Variants in ARHGAP12 observed in about 807,000 individuals in gnomAD.
ARHGAP12 encodes rho GTPase-activating protein 12.
A neutral mutation model predicts 108.6 loss-of-function variants in ARHGAP12; 64 were observed. The observed-to-expected ratio is 0.59, with a 90% confidence interval of 0.48 to 0.73. The LOEUF (loss-of-function observed/expected upper bound fraction) is 0.73, where lower values mean the gene tolerates loss of function less well. ARHGAP12 is among the 30% of genes least tolerant of loss of function. The pLI is 0.00. For missense variants in ARHGAP12, 940 were observed against 1,005.9 expected (o/e 0.93, Z 0.89); for synonymous variants, 312 against 337.2 (o/e 0.93, Z 0.82).
At chr10:31,920,311 G>C (rs536821616) in intron 1 of ARHGAP12, among the ~76,000 whole-genome samples, 5 of 150,784 alleles carry the variant, frequency 3.3e-5, no homozygotes, top group South Asian at 2.1e-4. Context: ...TTAGCCAGGC[G>C]TGGTGGTGGG....
At chr10:31,835,122 T>G (rs1835963604) in intron 9 of ARHGAP12, among the ~76,000 whole-genome samples, 1 of 149,410 alleles carries the variant, frequency 6.7e-6, no homozygotes, top group East Asian at 2.0e-4. Context: ...TGCTTGAATG[T>G]GGGAGGCGGA....
chr10:31,869,279 G>A (rs1837450130), intron 3 of ARHGAP12, among the ~76,000 whole-genome samples: 1 of 152,194 alleles, frequency 6.6e-6, no homozygotes, highest in African/African-American at 2.4e-5. Flanking sequence ...GCTCATGCCT[G>A]TAATGCCAAC....
intron 1 of ARHGAP12, among the ~76,000 whole-genome samples, chr10:31,916,951 T>G (rs1471719751): frequency 6.6e-6 from 1 of 152,152 alleles, no homozygotes; most frequent in African/African-American, 2.4e-5. Context: ...GCTTACAATT[T>G]AAGTCCAATC....
In ARHGAP12 at chr10:31,805,648, T is replaced by TCACACACACACACACACACACA. The variant is rs3028478; in HGVS notation, c.*1988_*2009dup. 2.1e-5 allele frequency: 3 copies of TCACACACACACACACACACACA among 144,090 alleles called. No individual in the cohort carries two copies. The highest frequency in any genetic ancestry group is 8.0e-5 in the African/African-American group (3 of 37,716). 8.9% of individuals were successfully genotyped at this position (144,090 alleles called of 1,614,324 possible). Reference sequence around the variant, plus strand: ...GTAGACTAATAAAACATTTAAGACTTCACACACACACACACACACACACAC... The same window carrying TCACACACACACACACACACACA: ...GTAGACTAATAAAACATTTAAGACTTCACACACACACACACACACACACACACACACACACACACACACACAC... On this transcript the variant is annotated 3_prime_UTR_variant, in exon 20 of 20. Coordinates refer to ENST00000344936, the MANE Select transcript of ARHGAP12 (RefSeq NM_018287.7).
intron 13 of ARHGAP12, among the ~76,000 whole-genome samples, chr10:31,815,643 AAT>A (rs1459324675): frequency 2.0e-5 from 3 of 152,192 alleles, no homozygotes; most frequent in African/African-American, 7.2e-5. Flanking sequence ...AAAAATCTCG[AAT>A]CTGTAAGTCA....
At chr10:31,879,064 CAG>C (rs1837842194) in intron 3 of ARHGAP12, among the ~76,000 whole-genome samples, 1 of 152,146 alleles carries the variant, frequency 6.6e-6, no homozygotes, top group Non-Finnish European at 1.5e-5. Flanking sequence ...TTATCATTAA[CAG>C]TGTATTTCAA....
At chr10:31,857,150 G>A (rs181992131) in intron 4 of ARHGAP12, among the ~76,000 whole-genome samples, 2 of 152,148 alleles carry the variant, frequency 1.3e-5, no homozygotes, top group Admixed American at 6.5e-5. Flanking sequence ...TATGTGTTTG[G>A]GCAGGTGAAG....
intron 3 of ARHGAP12, among the ~76,000 whole-genome samples, chr10:31,901,870 A>T (rs1407388217): frequency 6.6e-6 from 1 of 152,116 alleles, no homozygotes; most frequent in Non-Finnish European, 1.5e-5. Context: ...TTTCTTCTTC[A>T]CATAGCCTTC....
intron 10 of ARHGAP12, among the ~76,000 whole-genome samples, chr10:31,827,635 C>T (rs1835665926): frequency 6.6e-6 from 1 of 151,888 alleles, no homozygotes; most frequent in Admixed American, 6.6e-5. Flanking sequence ...ACTAAAAATA[C>T]AAAAAATTAG....
At chr10:31,918,873 T>C (rs1347713608) in intron 1 of ARHGAP12, among the ~76,000 whole-genome samples, 3 of 152,170 alleles carry the variant, frequency 2.0e-5, no homozygotes, top group African/African-American at 7.2e-5. Flanking sequence ...ATCCAGCAAT[T>C]CCACTTCTGG....
intron 1 of ARHGAP12, among the ~76,000 whole-genome samples, chr10:31,919,020 T>C (rs533490106): frequency 6.6e-6 from 1 of 152,316 alleles, no homozygotes; most frequent in African/African-American, 2.4e-5. Context: ...CAAAATGTGA[T>C]ACATACATAA....
At chr10:31,871,832 G>C (rs913270112) in intron 3 of ARHGAP12, among the ~76,000 whole-genome samples, 3 of 152,198 alleles carry the variant, frequency 2.0e-5, no homozygotes, top group Non-Finnish European at 4.4e-5. Flanking sequence ...CCAGCACATA[G>C]AGAGTCATGG....
chr10:31,853,686 T>C (rs532816717), intron 5 of ARHGAP12, among the ~76,000 whole-genome samples: 1 of 152,286 alleles, frequency 6.6e-6, no homozygotes, highest in East Asian at 1.9e-4. Flanking sequence ...ATAAATTTGA[T>C]TGTAATAGAA....
intron 1 of ARHGAP12, among the ~76,000 whole-genome samples, chr10:31,921,270 C>T (rs2105360): frequency 0.47 from 70,678 of 151,760 alleles, 16,685 homozygotes; most frequent in Admixed American, 0.51. Flanking sequence ...AGTGAAACAA[C>T]GTCTCAAAAA....
At chr10:31,873,939 G>A (rs1285677219) in intron 3 of ARHGAP12, among the ~76,000 whole-genome samples, 2 of 152,136 alleles carry the variant, frequency 1.3e-5, no homozygotes, top group Non-Finnish European at 2.9e-5. Flanking sequence ...GCGATGACCT[G>A]GTACACTGCC....
intron 3 of ARHGAP12, among the ~76,000 whole-genome samples, chr10:31,885,055 A>T (rs1325092347): frequency 6.6e-6 from 1 of 152,190 alleles, no homozygotes; most frequent in Non-Finnish European, 1.5e-5. Context: ...CCTGGAGAGC[A>T]GGGTGTCCAT....
chr10:31,887,861 G>A lies in ARHGAP12; in HGVS notation c.684+20311C>T, dbSNP rs533086324. On this transcript the variant is annotated intron_variant, in intron 3 of 19. Transcript: ENST00000344936. ...TTTAGTAGCGACGGGGTTTCACCAT[G>A]TTAGCCAGGATGGTCTCAATCTTCT... 4.9e-4 allele frequency among the ~76,000 whole-genome samples: 74 copies of A among 152,060 alleles called. 1 individual carries two copies. In the South Asian group the frequency reaches 0.015, roughly 31 times the overall value.
At chr10:31,866,494 C>T (rs1163940453) in intron 3 of ARHGAP12, among the ~76,000 whole-genome samples, 1 of 151,686 alleles carries the variant, frequency 6.6e-6, no homozygotes, top group East Asian at 1.9e-4. Flanking sequence ...ATCAGCCCAG[C>T]AAGGGGAAAT....
At position 31,882,383 on chromosome 10, in the gene ARHGAP12, CTAATA is replaced by C. The variant is rs893391189; in HGVS notation, c.685-20730_685-20726del. ...GTTGATGACCTGGAGACATTCCACA[CTAATA>C]TAATAAGGAGAACTAAGTAAAAAAT... On this transcript the variant is annotated intron_variant, in intron 3 of 19. Coordinates refer to ENST00000344936, the MANE Select transcript of ARHGAP12 (RefSeq NM_018287.7). Among the ~76,000 whole-genome samples, 12 of 144,318 alleles carry C rather than the reference CTAATA, an allele frequency of 8.3e-5. No homozygotes were observed. The East Asian group carries it at 1.2e-3, about 14-fold the overall frequency. 94.7% of individuals were successfully genotyped at this position (144,318 alleles called of 152,430 possible). A position where few individuals can be genotyped will look rare whatever the true frequency, so the allele number is the denominator to read the frequency against.
Sources: allele counts gnomAD v4.1 joint callset (sites outside exome capture counted in the v4.1 genomes callset), GRCh38; gene constraint gnomAD v4.1.1; transcripts MANE v1.5; gene names NCBI Gene and HGNC (gene_info 2026-07-23, HGNC 2026-07-21).